Variants in MCMBP observed in about 807,000 individuals in gnomAD.
MCMBP encodes minichromosome maintenance complex binding protein.
In MCMBP, 31 loss-of-function variants were observed where a neutral mutation model predicts 81.3. That is an observed-to-expected ratio of 0.38 (90% CI 0.29 to 0.51). The LOEUF is 0.51. MCMBP is among the 20% of genes least tolerant of loss of function. The pLI is 0.87. For synonymous variants in MCMBP, 267 were observed against 275.9 expected (o/e 0.97, Z 0.32); for missense variants, 645 against 772.1 (o/e 0.84, Z 1.95).
intron 14 of MCMBP, among the ~76,000 whole-genome samples, chr10:119,833,120 GACT>G (rs1852105368): frequency 6.6e-6 from 1 of 152,176 alleles, no homozygotes; most frequent in African/African-American, 2.4e-5. Context: ...TAGACTGGGA[GACT>G]ACTACCCAGC....
chr10:119,843,858 C>G (rs1355357104), intron 8 of MCMBP, among the ~76,000 whole-genome samples: 1 of 151,992 alleles, frequency 6.6e-6, no homozygotes, highest in African/African-American at 2.4e-5. Flanking sequence ...GACAGGGTTT[C>G]ACTATGTTGG....
chr10:119,835,389 C>A (rs1227010834), intron 14 of MCMBP, 151 bp downstream of exon 14: 1 of 710,006 alleles, frequency 1.4e-6, no homozygotes, highest in Non-Finnish European at 2.2e-6. Context: ...CTATTTCAAA[C>A]AAAAAGACAA....
At chr10:119,849,696 G>A in intron 6 of MCMBP, 120 bp from the exon 7 acceptor site, 1 of 863,234 alleles carries the variant, frequency 1.2e-6, no homozygotes, top group Non-Finnish European at 1.7e-6. Flanking sequence ...CAAAGTTCAA[G>A]TTGTTACAGT....
Position 119,840,830 on chromosome 10 carries a change from A to G in MCMBP, c.1242+13T>C, listed in dbSNP as rs1852405712. The G allele has an allele frequency of 1.3e-6, 2 of 1,481,890 alleles. No individual in the cohort carries two copies. The highest frequency in any genetic ancestry group is 1.9e-6 in the Non-Finnish European group (2 of 1,077,874). The allele number at this position is 1,481,890 out of a possible 1,614,324, so 91.8% of individuals were successfully genotyped here. ...GTGCTTAGGTTTATAATACATATTT[A>G]TATTCATCTTACTGCTGGAACAAGA... is the stretch of plus-strand genomic sequence containing the variant. On this transcript the variant is annotated intron_variant, in intron 11 of 15. Transcript: ENST00000369077.
intron 14 of MCMBP, among the ~76,000 whole-genome samples, 200 bp from the exon 15 acceptor site, chr10:119,832,300 G>A (rs1852077699): frequency 6.6e-6 from 1 of 152,100 alleles, no homozygotes; most frequent in South Asian, 2.1e-4. Flanking sequence ...TTAAGGTCAA[G>A]CAAACATATA....
In MCMBP at chr10:119,866,124, G is replaced by A. The variant is rs376716267; in HGVS notation, c.59-6240C>T. Among the ~76,000 whole-genome samples, 352 of 151,354 alleles carry A rather than the reference G, an allele frequency of 2.3e-3. 18 individuals are homozygous for A. The South Asian group carries it at 0.071, about 31-fold the overall frequency. On this transcript the variant is annotated intron_variant, in intron 1 of 15. Transcript: ENST00000369077. ...AAAAAAAAAGGAATGCAGTACTGAT[G>A]CATACTATGACATGGATGAACCATG...
At chr10:119,834,926 G>GA (rs1223258749) in intron 14 of MCMBP, among the ~76,000 whole-genome samples, 2 of 130,376 alleles carry the variant, frequency 1.5e-5, no homozygotes, top group African/African-American at 2.9e-5. Context: ...AAACACTAAA[G>GA]ACAGTTCTTC....
At position 119,835,647 on chromosome 10, in the gene MCMBP, T is replaced by G; in HGVS notation, c.1600A>C (p.Met534Leu). Residue 534 changes from methionine to leucine, a missense_variant, in exon 14 of 16, where the codon ATG (methionine) becomes CTG (leucine). Physicochemically the swap from Met to Leu is conservative, Grantham distance 15 (BLOSUM62 2). Transcript: ENST00000369077. ...QLIPPNMEEY[M>L]NSLLSAVLPS... ...AGCACCGCTGAGAGAAGGCTGTTCA[T>G]GTACTCCTCCATGTTTGGTGGAATT... The G allele has an allele frequency of 6.2e-7, 1 of 1,614,252 alleles. No individual in the cohort carries two copies. The highest frequency in any genetic ancestry group is 1.1e-5 in the South Asian group (1 of 91,086).
intron 1 of MCMBP, among the ~76,000 whole-genome samples, chr10:119,865,574 T>G: frequency 6.6e-6 from 1 of 152,156 alleles, no homozygotes; most frequent in South Asian, 2.1e-4. Context: ...AAAAGTTAAA[T>G]ATAAAATTAT....
At chr10:119,870,788 T>G (rs1249006964) in intron 1 of MCMBP, among the ~76,000 whole-genome samples, 1 of 152,342 alleles carries the variant, frequency 6.6e-6, no homozygotes, top group East Asian at 1.9e-4. Context: ...CAACAGCTTC[T>G]ACGAACACAT....
At chr10:119,849,223 C>T (rs1042202468) in intron 7 of MCMBP, among the ~76,000 whole-genome samples, 5 of 152,258 alleles carry the variant, frequency 3.3e-5, no homozygotes, top group East Asian at 1.9e-4. Flanking sequence ...GCTGGCACCT[C>T]GAGTTTACCC....
chr10:119,844,173 A>G (rs946745002), intron 8 of MCMBP, among the ~76,000 whole-genome samples: 13 of 152,214 alleles, frequency 8.5e-5, no homozygotes, highest in Middle Eastern at 6.8e-3. Flanking sequence ...TATCTTGCTA[A>G]TTGTTTTTCC....
chr10:119,833,031 G>C (rs558225032), intron 14 of MCMBP, among the ~76,000 whole-genome samples: 2 of 152,166 alleles, frequency 1.3e-5, no homozygotes, highest in Admixed American at 6.5e-5. Flanking sequence ...GAAGGCTAAG[G>C]CTTGTAAATT....
chr10:119,836,843 G>T (rs1364975297), intron 13 of MCMBP, 53 bp downstream of exon 13: 25 of 1,077,832 alleles, frequency 2.3e-5, no homozygotes, highest in African/African-American at 1.5e-4. Context: ...CAGCAAAAAT[G>T]TAGGTATTTT....
intron 1 of MCMBP, among the ~76,000 whole-genome samples, chr10:119,869,772 C>T (rs1044458626): frequency 3.9e-5 from 6 of 152,002 alleles, no homozygotes; most frequent in East Asian, 1.9e-4. Flanking sequence ...ACCCCTAGAA[C>T]GGATAAGATA....
At chr10:119,857,029 G>A (rs902221606) in intron 5 of MCMBP, among the ~76,000 whole-genome samples, 1 of 150,124 alleles carries the variant, frequency 6.7e-6, no homozygotes, top group Non-Finnish European at 1.5e-5. Flanking sequence ...GAGCCCAGGA[G>A]GTTGAAGCAG....
chr10:119,836,788 TTTTTTTAC>T, intron 13 of MCMBP, 100 bp downstream of exon 13: 1 of 255,644 alleles, frequency 3.9e-6, no homozygotes, highest in Non-Finnish European at 6.7e-6. Flanking sequence ...TTTTTTTTTT[TTTTTTTAC>T]AACAAATGTA....
chr10:119,850,874 G>GTTTTTT (rs1284100421), intron 6 of MCMBP, among the ~76,000 whole-genome samples: 26 of 130,528 alleles, frequency 2.0e-4, no homozygotes, highest in South Asian at 7.2e-4. Context: ...TACAAGATCT[G>GTTTTTT]TTTTTTTTTT....
intron 8 of MCMBP, among the ~76,000 whole-genome samples, chr10:119,845,778 G>T (rs1424238956): frequency 6.6e-6 from 1 of 152,140 alleles, no homozygotes; most frequent in Non-Finnish European, 1.5e-5. Flanking sequence ...TAGTGGTATG[G>T]GTTACCAATT....
Sources: allele counts gnomAD v4.1 joint callset (sites outside exome capture counted in the v4.1 genomes callset), GRCh38; gene constraint gnomAD v4.1.1; transcripts MANE v1.5; gene names NCBI Gene and HGNC (gene_info 2026-07-23, HGNC 2026-07-21).